ANKFN1: variants seen among roughly 807,000 people sequenced by gnomAD.
ANKFN1 encodes the protein ankyrin repeat and fibronectin type III domain containing 1, also known as ankyrin repeat and fibronectin type-III domain-containing protein 1.
ANKFN1 carries 74 observed loss-of-function variants against 108.7 expected under a neutral mutation model. The observed-to-expected ratio is 0.68, with a 90% CI of 0.56 to 0.83. The LOEUF is 0.83. Ranked by LOEUF, ANKFN1 falls within the 40% of genes least tolerant of loss-of-function variation. The pLI is 0.00. For missense variants in ANKFN1, 1,505 were observed against 1,382.3 expected (o/e 1.09, Z -1.41); for synonymous variants, 547 against 516.2 (o/e 1.06, Z -0.81).
chr17:56,510,377 C>T (rs2051706233), intron 20 of ANKFN1, 96 bp from the exon 21 acceptor site: 3 of 1,054,568 alleles, frequency 2.8e-6, no homozygotes, highest in Admixed American at 2.8e-5. Context: ...GCACAGGCCC[C>T]TTCTAAGTGC....
intron 4 of ANKFN1, among the ~76,000 whole-genome samples, chr17:56,348,796 T>G (rs2046171046): frequency 6.6e-6 from 1 of 151,788 alleles, no homozygotes; most frequent in Non-Finnish European, 1.5e-5. Flanking sequence ...TTGGTGGGAG[T>G]GTAAATTAGT....
chr17:56,423,912 A>T (rs904092798), intron 8 of ANKFN1, among the ~76,000 whole-genome samples: 1 of 152,212 alleles, frequency 6.6e-6, no homozygotes, highest in African/African-American at 2.4e-5. Context: ...AATCTTAATG[A>T]TGCTCAGGAA....
At chr17:56,451,157 T>A (rs115276733) in intron 11 of ANKFN1, among the ~76,000 whole-genome samples, 2,717 of 152,334 alleles carry the variant, frequency 0.018, 52 homozygotes, top group East Asian at 0.092. Flanking sequence ...AAATGTTGAA[T>A]TCTACATCTT....
intron 4 of ANKFN1, among the ~76,000 whole-genome samples, chr17:56,124,888 C>A (rs934683041): frequency 6.6e-6 from 1 of 152,192 alleles, no homozygotes; most frequent in Non-Finnish European, 1.5e-5. Context: ...CGTGTGACCT[C>A]CTGACATGCC....
chr17:56,070,964 G>A (rs1402368151), intron 4 of ANKFN1, among the ~76,000 whole-genome samples: 2 of 151,090 alleles, frequency 1.3e-5, no homozygotes, highest in Non-Finnish European at 1.5e-5. Flanking sequence ...TCGATCTCTC[G>A]ACCTCATGAT....
intron 8 of ANKFN1, among the ~76,000 whole-genome samples, chr17:56,378,909 C>T (rs2047014036): frequency 1.3e-5 from 2 of 152,142 alleles, no homozygotes; most frequent in South Asian, 4.1e-4. Flanking sequence ...CCTTACTCAT[C>T]CTACTTTCAT....
intron 4 of ANKFN1, among the ~76,000 whole-genome samples, chr17:56,132,972 G>C (rs530811138): frequency 3.3e-4 from 51 of 152,290 alleles, no homozygotes; most frequent in African/African-American, 1.1e-3. Flanking sequence ...GAGGATTCTA[G>C]TTCAGAATTG....
intron 10 of ANKFN1, among the ~76,000 whole-genome samples, chr17:56,445,533 G>C (rs995869192): frequency 6.6e-6 from 1 of 152,164 alleles, no homozygotes; most frequent in Middle Eastern, 3.2e-3. Flanking sequence ...TCCTAACGTG[G>C]TTATAGTTGT....
At chr17:56,123,944 T>C (rs138841942) in intron 4 of ANKFN1, among the ~76,000 whole-genome samples, 2 of 151,978 alleles carry the variant, frequency 1.3e-5, no homozygotes, top group Non-Finnish European at 2.9e-5. Flanking sequence ...AGGGATTCAG[T>C]AAGAACCCCC....
In ANKFN1 at chr17:56,477,609, A is replaced by G. The variant is rs542915857; in HGVS notation, c.1895A>G (p.Asn632Ser). ...GTTCTTGTTACCCAAAAGTTGCCCA[A>G]CATTCTCTGCCACGTGAAGATCCGT... ...IKVLVTQKLP[N>S]ILCHVKIREN... The change falls in exon 16 of 21, where the codon AAC becomes AGC. Residue 632 changes from asparagine (N) to serine (S), a missense_variant. Asn to Ser is a conservative substitution (Grantham distance 46). Transcript: ENST00000682825. 2 of 1,613,818 alleles carry G rather than the reference A, an allele frequency of 1.2e-6. No individual in the cohort carries two copies. The highest frequency in any genetic ancestry group is 1.7e-5 in the Admixed American group (1 of 59,974).
intron 3 of ANKFN1, among the ~76,000 whole-genome samples, chr17:56,256,418 A>G (rs908373857): frequency 2.6e-5 from 4 of 152,162 alleles, no homozygotes; most frequent in Admixed American, 2.0e-4. Flanking sequence ...AGGAGGCTCC[A>G]GTGTGCGGGC....
intron 3 of ANKFN1, among the ~76,000 whole-genome samples, chr17:56,234,093 C>T (rs1433119550): frequency 1.3e-5 from 2 of 152,066 alleles, no homozygotes; most frequent in Admixed American, 1.3e-4. Context: ...ATCAACAAAA[C>T]AATAAATCAA....
intron 4 of ANKFN1, among the ~76,000 whole-genome samples, chr17:56,130,568 G>T (rs1907222403): frequency 6.6e-6 from 1 of 152,014 alleles, no homozygotes; most frequent in South Asian, 2.1e-4. Context: ...CAGCAGTGAT[G>T]AATGCTAATT....
intron 11 of ANKFN1, among the ~76,000 whole-genome samples, chr17:56,456,112 G>GA (rs1229114641): frequency 6.6e-6 from 1 of 151,988 alleles, no homozygotes. Flanking sequence ...ATTTTATAAT[G>GA]AAAAAAATTA....
At chr17:56,285,186 G>T (rs1317264837) in intron 3 of ANKFN1, among the ~76,000 whole-genome samples, 2 of 152,098 alleles carry the variant, frequency 1.3e-5, no homozygotes, top group Admixed American at 6.5e-5. Context: ...GACAGCAGGG[G>T]TGCGGTTGGG....
chr17:56,121,506 A>G (rs530168781), intron 4 of ANKFN1, among the ~76,000 whole-genome samples: 17 of 152,154 alleles, frequency 1.1e-4, no homozygotes, highest in Non-Finnish European at 2.2e-4. Context: ...CTAGAGGTAA[A>G]GTGTTCATTA....
chr17:56,059,810 T>C (rs2195733), intron 4 of ANKFN1, among the ~76,000 whole-genome samples: 125,327 of 152,162 alleles, frequency 0.82, 52,281 homozygotes, highest in African/African-American at 0.95. Context: ...GTAACAGTAC[T>C]ATGCTGTTTT....
chr17:56,263,156 T>C (rs1328904093), intron 3 of ANKFN1, among the ~76,000 whole-genome samples: 3 of 152,174 alleles, frequency 2.0e-5, no homozygotes, highest in Non-Finnish European at 4.4e-5. Flanking sequence ...ATTGCTGACA[T>C]AAGATCGATT....
intron 1 of ANKFN1, among the ~76,000 whole-genome samples, chr17:56,204,840 C>A (rs1182668918): frequency 6.6e-6 from 1 of 152,054 alleles, no homozygotes; most frequent in African/African-American, 2.4e-5. Flanking sequence ...CTTTGTGAGG[C>A]CGAGGTGGGC....
Sources: allele counts gnomAD v4.1 joint callset (sites outside exome capture counted in the v4.1 genomes callset), GRCh38; gene constraint gnomAD v4.1.1; transcripts MANE v1.5; gene names NCBI Gene and HGNC (gene_info 2026-07-23, HGNC 2026-07-21).